The following ZDHHC7 variants were observed in gnomAD, a reference collection of about 807,000 sequenced individuals.
The protein encoded by ZDHHC7 is zDHHC palmitoyltransferase 7, also known as palmitoyltransferase ZDHHC7.
In ZDHHC7, 12 loss-of-function variants were observed where a neutral mutation model predicts 34.1. The ratio of observed to expected loss-of-function variants is 0.35; its 90% CI spans 0.23 to 0.57. ZDHHC7 has a LOEUF of 0.57. ZDHHC7 is among the 20% of genes least tolerant of loss of function. The probability of loss-of-function intolerance (pLI) is 0.84; values close to 1 mark genes in which losing one functional copy is unlikely to be tolerated. For synonymous variants in ZDHHC7, 185 were observed against 155.4 expected (o/e 1.19, Z -1.42); for missense variants, 388 against 402.7 (o/e 0.96, Z 0.31).
chr16:85,005,345 C>T (rs920292615), intron 1 of ZDHHC7, among the ~76,000 whole-genome samples: 65 of 152,162 alleles, frequency 4.3e-4, no homozygotes, highest in African/African-American at 1.5e-3. Context: ...ATTTAGCCCT[C>T]AATTACAAGT....
chr16:84,994,899 T>C (rs1424226247), intron 2 of ZDHHC7, among the ~76,000 whole-genome samples: 2 of 152,176 alleles, frequency 1.3e-5, no homozygotes, highest in Non-Finnish European at 2.9e-5. Flanking sequence ...AGTAACACAG[T>C]GCACTCACTC....
At chr16:84,995,221 C>T (rs890600891) in intron 2 of ZDHHC7, among the ~76,000 whole-genome samples, 1 of 152,338 alleles carries the variant, frequency 6.6e-6, no homozygotes, top group African/African-American at 2.4e-5. Flanking sequence ...TTTCTCAACA[C>T]TCCCGAACCT....
chr16:85,020,352 G>A, the ZDHHC7 span, among the ~76,000 whole-genome samples: 2 of 152,234 alleles, frequency 1.3e-5, no homozygotes, highest in Non-Finnish European at 2.9e-5. Context: ...GCAGACACAT[G>A]AGTGAGCAAA....
Position 84,976,328 on chromosome 16 carries a change from C to T in ZDHHC7, c.*15G>A, listed in dbSNP as rs1251276006. 6.2e-7 allele frequency: 1 copy of T among 1,611,642 alleles called. No homozygotes were observed. Among genetic ancestry groups the T allele is most frequent in the Non-Finnish European group, 8.5e-7 (1 of 1,179,570 alleles). The stretch of plus-strand genomic sequence containing the variant: ...TGGAAGTCTGTGAGCAAGTTTCAGT[C>T]TGATGAGCCACGCCTCACACTGAGA... On this transcript the variant is annotated 3_prime_UTR_variant, in exon 8 of 8. Transcript: ENST00000313732.
chr16:84,979,024 T>C (rs1337883050), intron 5 of ZDHHC7, among the ~76,000 whole-genome samples, 165 bp downstream of exon 5: 1 of 152,164 alleles, frequency 6.6e-6, no homozygotes, highest in Non-Finnish European at 1.5e-5. Context: ...TATTACTTAT[T>C]GGGACTACTT....
rs150012173 is a variant in ZDHHC7 at position 85,008,311 on chromosome 16, A to G, written c.-104+2975T>C. Reference sequence around the variant, plus strand: ...ATCATGCCTGCATAATGGGGCCTCAATAAAAACTGACTACAAAGACTCAGG... The same window carrying G: ...ATCATGCCTGCATAATGGGGCCTCAGTAAAAACTGACTACAAAGACTCAGG... On this transcript the variant is annotated intron_variant, in intron 1 of 7. Transcript: ENST00000313732. Among the ~76,000 whole-genome samples, 457 of 152,148 alleles carry G rather than the reference A, an allele frequency of 3.0e-3. 8 individuals carry two copies. Among genetic ancestry groups the G allele is most frequent in the African/African-American group, 0.01 (434 of 41,408 alleles).
the ZDHHC7 span, among the ~76,000 whole-genome samples, chr16:85,017,351 ACAC>A: frequency 2.9e-4 from 44 of 152,284 alleles, 1 homozygote; most frequent in East Asian, 8.1e-3. Context: ...CTAGAATGAA[ACAC>A]CACCAAGGGT....
chr16:84,990,401 G>C lies in ZDHHC7; in HGVS notation c.218C>G (p.Ser73Cys). ...GACCACAGAGTACCAGAAGTCTTTG[G>C]AAGGCAGCAGCATGACGAAAGTCAC... is the stretch of plus-strand genomic sequence containing the variant. ...FVVTFVMLLP[S>C]KDFWYSVVNG... is the part of the protein sequence containing the mutation. Residue 73 changes from serine to cysteine, a missense_variant, in exon 3 of 8, where the codon TCC becomes TGC. Transcript: ENST00000313732. 1 of 1,614,150 alleles carries C rather than the reference G, an allele frequency of 6.2e-7. No individual in the cohort carries two copies. Among genetic ancestry groups the C allele is most frequent in the Non-Finnish European group, 8.5e-7 (1 of 1,180,038 alleles).
chr16:85,023,676 C>T, the ZDHHC7 span, among the ~76,000 whole-genome samples: 37 of 152,144 alleles, frequency 2.4e-4, no homozygotes, highest in African/African-American at 7.9e-4. Context: ...TGGAGTGCAG[C>T]GGCACAATCT....
chr16:84,994,177 C>A (rs929381808), intron 2 of ZDHHC7, among the ~76,000 whole-genome samples: 2 of 152,244 alleles, frequency 1.3e-5, no homozygotes, highest in Admixed American at 6.5e-5. Context: ...TGGGTCTCCT[C>A]CTGCCCTGTC....
chr16:84,980,186 C>G lies in ZDHHC7; in HGVS notation c.441-901G>C, dbSNP rs1054448724. On this transcript the variant is annotated intron_variant, in intron 4 of 7. Coordinates refer to ENST00000313732, the MANE Select transcript of ZDHHC7 (RefSeq NM_017740.3). ...TTCATCGTGTTAGCTAGGATGGTCT[C>G]GATCTCCTGACCTCGTGATCCGCCC... Among the ~76,000 whole-genome samples, 10 of 151,136 alleles carry G rather than the reference C, an allele frequency of 6.6e-5. No homozygotes were observed. The East Asian group carries it at 1.8e-3, about 27-fold the overall frequency.
chr16:84,976,647 T>A, intron 7 of ZDHHC7, 128 bp from the exon 8 acceptor site: 2 of 1,296,320 alleles, frequency 1.5e-6, no homozygotes, highest in Non-Finnish European at 2.1e-6. Flanking sequence ...GAACTCTCCT[T>A]CCCAGCTCTG....
chr16:84,991,474 G>A (rs887184932), intron 2 of ZDHHC7, among the ~76,000 whole-genome samples: 3 of 151,862 alleles, frequency 2.0e-5, no homozygotes, highest in African/African-American at 7.3e-5. Context: ...TTTTAGTAGA[G>A]ATGGAGTTTC....
chr16:85,022,318 C>T, the ZDHHC7 span, among the ~76,000 whole-genome samples: 20 of 152,032 alleles, frequency 1.3e-4, no homozygotes, highest in East Asian at 3.7e-3. Context: ...GTCAGGAGTT[C>T]GAGACCAGCC....
At chr16:85,000,116 G>T (rs1057240873) in intron 1 of ZDHHC7, among the ~76,000 whole-genome samples, 1 of 151,814 alleles carries the variant, frequency 6.6e-6, no homozygotes, top group Non-Finnish European at 1.5e-5. Flanking sequence ...CTCCAGCCTG[G>T]GCAACAAGCA....
At position 84,990,458 on chromosome 16, in the gene ZDHHC7, G is replaced by A; in HGVS notation, c.161C>T (p.Thr54Met). 3 of 1,614,142 alleles carry A rather than the reference G, an allele frequency of 1.9e-6. No homozygotes were observed. Among genetic ancestry groups the A allele is most frequent in the Non-Finnish European group, 2.5e-6 (3 of 1,180,000 alleles). The change falls in exon 3 of 8, where the codon ACG (threonine) becomes ATG (methionine). Residue 54 changes from threonine (T) to methionine (M), a missense_variant. Coordinates refer to ENST00000313732, the MANE Select transcript of ZDHHC7 (RefSeq NM_017740.3). ...GTCTGCATAGGCGACCAGAAGCCAC[G>A]TCATGACAGCACAGATCATGCCGCA... The part of the protein sequence containing the change: ...DGCGMICAVM[T>M]WLLVAYADFV...
chr16:85,007,358 G>T (rs1415790673), intron 1 of ZDHHC7, among the ~76,000 whole-genome samples: 1 of 150,950 alleles, frequency 6.6e-6, no homozygotes, highest in Non-Finnish European at 1.5e-5. Flanking sequence ...GGGAGGCGGA[G>T]GTTGCAGTGA....
rs1327513670 is a variant in ZDHHC7 at position 84,979,278 on chromosome 16, T to C, written c.448A>G (p.Lys150Glu). Residue 150 changes from lysine (K) to glutamate (E), a missense_variant, in exon 5 of 8, where the codon AAA (lysine) becomes GAA (glutamate). Transcript: ENST00000313732. ...TGATCCATTTTCCGAATACATCTTT[T>C]GCAAATACTGAAAAGGAGAGTTTGA... ...PERAHHCSICKRCIRKMDHHC... is the reference protein window; with the variant it reads ...PERAHHCSICERCIRKMDHHC... 6.2e-7 allele frequency: 1 copy of C among 1,609,570 alleles called. No homozygotes were observed. Among genetic ancestry groups the C allele is most frequent in the East Asian group, 2.2e-5 (1 of 44,716 alleles).
chr16:84,996,960 A>C (rs1417601991), intron 1 of ZDHHC7, among the ~76,000 whole-genome samples: 3 of 150,908 alleles, frequency 2.0e-5, no homozygotes, highest in Admixed American at 2.0e-4. Context: ...CACGAGGCGG[A>C]GGTTGCAGTA....
Sources: gnomAD v4.1 joint callset for allele counts (sites outside exome capture counted in the v4.1 genomes callset) on GRCh38, gnomAD v4.1.1 for gene constraint, MANE v1.5 for transcripts, NCBI Gene and HGNC (gene_info 2026-07-23, HGNC 2026-07-21) for gene names.